EDDM13: variants seen among roughly 807,000 people sequenced by gnomAD.
The protein encoded by EDDM13 is epididymal protein 13.
Under a neutral mutation model 17.8 loss-of-function variants are expected in EDDM13, and 24 were observed. The ratio of observed to expected loss-of-function variants is 1.35; its 90% CI spans 0.98 to 1.90. EDDM13 has a LOEUF of 1.90. EDDM13 is among the 40% of genes most tolerant of loss of function. The pLI is 0.00. For missense variants in EDDM13, 97 were observed against 100.8 expected (o/e 0.96, Z 0.16); for synonymous variants, 31 against 37.5 (o/e 0.83, Z 0.63).
At chr19:56,289,673 G>A (rs1296610521) in intron 8 of EDDM13, among the ~76,000 whole-genome samples, 6 of 152,114 alleles carry the variant, frequency 3.9e-5, no homozygotes, top group African/African-American at 1.2e-4. Context: ...GAGTGCAGTA[G>A]TGCAATCATA....
chr19:56,278,515 C>T (rs1474287944), intron 2 of EDDM13, among the ~76,000 whole-genome samples: 1 of 152,150 alleles, frequency 6.6e-6, no homozygotes, highest in African/African-American at 2.4e-5. Flanking sequence ...TCATGCAGAC[C>T]CGTTTTAGGC....
At chr19:56,302,413 T>G (rs2040312911) in intron 13 of EDDM13, among the ~76,000 whole-genome samples, 3 of 135,780 alleles carry the variant, frequency 2.2e-5, no homozygotes, top group Non-Finnish European at 4.7e-5. Flanking sequence ...TCCTCCTCCC[T>G]TCATCCCTCC....
At chr19:56,282,683 C>T (rs1372585177) in intron 4 of EDDM13, among the ~76,000 whole-genome samples, 184 bp downstream of exon 4, 1 of 152,156 alleles carries the variant, frequency 6.6e-6, no homozygotes, top group Non-Finnish European at 1.5e-5. Context: ...CAACAAAAGC[C>T]CTTTTACTTG....
chr19:56,287,990 G>T (rs966761142), intron 6 of EDDM13, among the ~76,000 whole-genome samples: 1 of 152,170 alleles, frequency 6.6e-6, no homozygotes, highest in Non-Finnish European at 1.5e-5. Flanking sequence ...GACCAGGAGC[G>T]TGGGTCTCTC....
intron 3 of EDDM13, among the ~76,000 whole-genome samples, 188 bp from the exon 4 acceptor site, chr19:56,282,293 CTCCAAAGGGG>C (rs1160912378): frequency 6.6e-6 from 1 of 152,164 alleles, no homozygotes; most frequent in Non-Finnish European, 1.5e-5. Flanking sequence ...GTAAATGTGC[CTCCAAAGGGG>C]TCCAATGCAC....
intron 2 of EDDM13, among the ~76,000 whole-genome samples, chr19:56,279,117 A>G (rs1268098964): frequency 6.6e-6 from 1 of 152,230 alleles, no homozygotes; most frequent in Non-Finnish European, 1.5e-5. Context: ...CATTGAGAAT[A>G]AACGTCTTAC....
intron 7 of EDDM13, among the ~76,000 whole-genome samples, 90 bp downstream of exon 7, chr19:56,288,528 T>C (rs2039292228): frequency 6.6e-6 from 1 of 152,168 alleles, no homozygotes; most frequent in Non-Finnish European, 1.5e-5. Flanking sequence ...CTTTTGATGC[T>C]TTTGCTGTCT....
Position 56,302,079 on chromosome 19 carries a change from A to G in EDDM13, c.407A>G (p.Tyr136Cys). ...GTGATGACCTACCTCTTCGTATCCT[A>G]CAACAAAGGGGACTGGGTAAGAAGA... ...YMVMTYLFVSYNKGDWCYCHY... is the reference protein window; with the variant it reads ...YMVMTYLFVSCNKGDWCYCHY... Residue 136 changes from tyrosine to cysteine, a missense_variant, in exon 13 of 15, where the codon TAC becomes TGC. Tyr to Cys is a radical substitution (Grantham distance 194). Coordinates refer to ENST00000649256, the MANE Select transcript of EDDM13 (RefSeq NM_001354658.2). The G allele has an allele frequency of 8.1e-7, 1 of 1,231,822 alleles. No individual in the cohort carries two copies. The highest frequency in any genetic ancestry group is 4.2e-5 in the Admixed American group (1 of 23,708). The allele number at this position is 1,231,822 out of a possible 1,614,324, so 76.3% of individuals were successfully genotyped here. A position where few individuals can be genotyped will look rare whatever the true frequency, so the allele number is the denominator to read the frequency against.
rs138946977 is a variant in EDDM13, at chr19:56,294,676, C to T, written c.233-1283C>T. Among the ~76,000 whole-genome samples, 216 of 152,268 alleles carry T rather than the reference C, an allele frequency of 1.4e-3. 4 individuals carry two copies. The South Asian group carries it at 0.031, about 22-fold the overall frequency. Reference sequence around the variant, plus strand: ...TTATTTACAAAAGCAGTAGACAACACATTGTGAATGGGCATGGCTCTGTTC... The same window carrying T: ...TTATTTACAAAAGCAGTAGACAACATATTGTGAATGGGCATGGCTCTGTTC... On this transcript the variant is annotated intron_variant, in intron 9 of 14. Coordinates refer to ENST00000649256, the MANE Select transcript of EDDM13 (RefSeq NM_001354658.2).
chr19:56,275,021 C>T (rs1315136054), intron 1 of EDDM13: 2 of 152,162 alleles, frequency 1.3e-5, no homozygotes, highest in Non-Finnish European at 2.9e-5. Flanking sequence ...GCAGGAATAC[C>T]ACAGAAGTGG....
chr19:56,274,053 G>C (rs2038061293), intron 1 of EDDM13, among the ~76,000 whole-genome samples: 1 of 152,162 alleles, frequency 6.6e-6, no homozygotes, highest in Non-Finnish European at 1.5e-5. Flanking sequence ...ATTGAGTGAT[G>C]GGTCAGATGC....
chr19:56,283,061 T>C (rs949109169), intron 4 of EDDM13: 2 of 152,198 alleles, frequency 1.3e-5, no homozygotes, highest in African/African-American at 2.4e-5. Context: ...CTAATTCTGC[T>C]CCTTCCTAGG....
At chr19:56,282,144 T>A (rs1462218996) in intron 3 of EDDM13, among the ~76,000 whole-genome samples, 2 of 152,142 alleles carry the variant, frequency 1.3e-5, no homozygotes, top group Admixed American at 1.3e-4. Context: ...TTTCCCAGAA[T>A]TAACATCCAG....
intron 6 of EDDM13, among the ~76,000 whole-genome samples, chr19:56,287,155 A>C (rs994731654): frequency 6.6e-6 from 1 of 152,148 alleles, no homozygotes; most frequent in African/African-American, 2.4e-5. Context: ...TGTCCATCTT[A>C]GGTGGTGAAA....
At chr19:56,280,144 C>G (rs1185385966) in intron 2 of EDDM13, among the ~76,000 whole-genome samples, 2 of 152,136 alleles carry the variant, frequency 1.3e-5, no homozygotes, top group Non-Finnish European at 2.9e-5. Context: ...TTTATATATT[C>G]AAAGTCCTCT....
Position 56,309,221 on chromosome 19 carries a change from G to A in EDDM13, c.462-903G>A, listed in dbSNP as rs118037419. 4.1e-4 allele frequency among the ~76,000 whole-genome samples: 63 copies of A among 152,328 alleles called. No homozygotes were observed. In the East Asian group the frequency reaches 0.01, roughly 25 times the overall value. On this transcript the variant is annotated intron_variant, in intron 14 of 14. Transcript: ENST00000649256. ...CACAAAAGATCACACAGTAGATGAT[G>A]CCATGTATATGAAACAGACAGATCT...
chr19:56,293,886 G>A (rs1290627451), intron 9 of EDDM13, among the ~76,000 whole-genome samples: 1 of 152,074 alleles, frequency 6.6e-6, no homozygotes, highest in Non-Finnish European at 1.5e-5. Context: ...AATGTCACTC[G>A]TCTGGAGGTT....
chr19:56,291,690 C>A (rs1320856039), intron 9 of EDDM13, among the ~76,000 whole-genome samples: 1 of 152,072 alleles, frequency 6.6e-6, no homozygotes, highest in Non-Finnish European at 1.5e-5. Flanking sequence ...CTCATCTCTG[C>A]CAAGGGAGGT....
chr19:56,303,525 G>T (rs1332276969), intron 13 of EDDM13, among the ~76,000 whole-genome samples: 1 of 150,940 alleles, frequency 6.6e-6, no homozygotes, highest in Admixed American at 6.6e-5. Flanking sequence ...AGGGAGGGAG[G>T]GAGGGAGGCA....
Sources: allele counts gnomAD v4.1 joint callset (sites outside exome capture counted in the v4.1 genomes callset), GRCh38; gene constraint gnomAD v4.1.1; transcripts MANE v1.5; gene names NCBI Gene and HGNC (gene_info 2026-07-23, HGNC 2026-07-21).